P2RY8: variants seen among roughly 807,000 people sequenced by gnomAD.
P2RY8 encodes the protein P2Y receptor family member 8, also known as S-geranylgeranyl-glutathione receptor P2RY8.
P2RY8 carries 6 observed loss-of-function variants against 10.0 expected under a neutral mutation model. That is an observed-to-expected ratio of 0.60 (90% CI 0.33 to 1.19). The LOEUF is 1.19. Among genes scored for constraint, P2RY8 ranks in the 50% most tolerant of loss-of-function variants. The pLI, the probability that P2RY8 is intolerant of heterozygous loss-of-function variation, is 0.04. For missense variants in P2RY8, 456 were observed against 542.0 expected (o/e 0.84, Z 1.58); for synonymous variants, 276 against 252.5 (o/e 1.09, Z -0.88).
At chrX:1,507,637 C>A (rs1423756174) in intron 1 of P2RY8, among the ~76,000 whole-genome samples, 1 of 152,126 alleles carries the variant, frequency 6.6e-6, no homozygotes, top group Non-Finnish European at 1.5e-5. Context: ...CCGGCGGAGT[C>A]CCCACGTGCC....
At chrX:1,467,611 A>G (rs2091706786) in intron 1 of P2RY8, among the ~76,000 whole-genome samples, 1 of 152,240 alleles carries the variant, frequency 6.6e-6, no homozygotes, top group Admixed American at 6.5e-5. Flanking sequence ...TCAAAGGGAC[A>G]CTACTTTTAT....
intron 1 of P2RY8, among the ~76,000 whole-genome samples, chrX:1,524,485 C>A (rs113176919): frequency 0.018 from 2,180 of 120,090 alleles, 403 homozygotes; most frequent in Middle Eastern, 0.03. Context: ...ATCCACTCAT[C>A]CATCCATACA....
At chrX:1,470,946 C>T (rs1185877997) in intron 1 of P2RY8, among the ~76,000 whole-genome samples, 1 of 151,064 alleles carries the variant, frequency 6.6e-6, no homozygotes, top group East Asian at 1.9e-4. Context: ...AAGCAATTCT[C>T]CTGCCTCAGC....
chrX:1,532,454 TATATATA>T (rs2149417176), intron 1 of P2RY8, among the ~76,000 whole-genome samples: 1 of 5,084 alleles, frequency 2.0e-4, no homozygotes, highest in African/African-American at 2.8e-4. Flanking sequence ...TGTATATGTG[TATATATA>T]CACATATATG....
chrX:1,478,918 C>G (rs1382395453), intron 1 of P2RY8, among the ~76,000 whole-genome samples: 1 of 152,098 alleles, frequency 6.6e-6, no homozygotes, highest in African/African-American at 2.4e-5. Context: ...GTGGTCCCTC[C>G]CCACTGAACT....
At position 1,465,755 on chromosome X, in the gene P2RY8, G is replaced by A; in HGVS notation, c.804C>T (p.Gly268=). 1 of 1,613,680 alleles carries A rather than the reference G, an allele frequency of 6.2e-7. No individual in the cohort carries two copies. Among genetic ancestry groups the A allele is most frequent in the African/African-American group, 1.3e-5 (1 of 75,070 alleles). ...LAHIVSRLFY[G]KSYYHVYKLT... ...GCTTGTACACGTGGTAGTAGCTCTT[G>A]CCGTAGAACAGGCGGCTCACGATGT... Residue 268 remains glycine, a synonymous_variant, in exon 2 of 2, where the codon GGC becomes GGT. Transcript: ENST00000381297.
intron 1 of P2RY8, among the ~76,000 whole-genome samples, chrX:1,516,061 G>C (rs1329684632): frequency 2.0e-5 from 3 of 151,382 alleles, no homozygotes; most frequent in East Asian, 3.9e-4. Flanking sequence ...GCCAGGCGCG[G>C]TGGCAGGCAC....
At chrX:1,532,738 A>T (rs2092488645) in intron 1 of P2RY8, among the ~76,000 whole-genome samples, 1 of 152,026 alleles carries the variant, frequency 6.6e-6, no homozygotes, top group Non-Finnish European at 1.5e-5. Context: ...GCGGTGGCTC[A>T]CACCTGTCAT....
chrX:1,523,765 T>A (rs1196420349), intron 1 of P2RY8, among the ~76,000 whole-genome samples: 1 of 152,154 alleles, frequency 6.6e-6, no homozygotes, highest in Admixed American at 6.5e-5. Context: ...TCATCACAAC[T>A]TCCGCCTCCC....
At chrX:1,485,626 TATA>T (rs1337487029) in intron 1 of P2RY8, among the ~76,000 whole-genome samples, 3 of 148,114 alleles carry the variant, frequency 2.0e-5, no homozygotes, top group Non-Finnish European at 3.0e-5. Flanking sequence ...ATTATTATTA[TATA>T]ATATTACATA....
chrX:1,535,706 C>CACACACAG lies in P2RY8; in HGVS notation c.-25+1214_-25+1215insCTGTGTGT, dbSNP rs1472330943. 1.8e-3 allele frequency among the ~76,000 whole-genome samples: 261 copies of CACACACAG among 147,570 alleles called. 1 individual carries two copies. Among genetic ancestry groups the CACACACAG allele is most frequent in the African/African-American group, 6.2e-3 (248 of 39,836 alleles). On this transcript the variant is annotated intron_variant, in intron 1 of 1. Transcript: ENST00000381297. Reference sequence around the variant, plus strand: ...GGGAAGAAACAACCACACACACACACACACACACAGACACACACACAGACA... The same window carrying CACACACAG: ...GGGAAGAAACAACCACACACACACACACACACAGACACACACAGACACACACACAGACA...
chrX:1,475,418 A>C (rs1189309757), intron 1 of P2RY8, among the ~76,000 whole-genome samples: 3 of 152,140 alleles, frequency 2.0e-5, no homozygotes, highest in Admixed American at 2.0e-4. Flanking sequence ...TTTCCCTCAG[A>C]GCCCTAATGA....
intron 1 of P2RY8, among the ~76,000 whole-genome samples, chrX:1,469,776 C>T (rs190836967): frequency 2.1e-4 from 32 of 151,818 alleles, no homozygotes; most frequent in African/African-American, 6.3e-4. Context: ...GGCATGGTGG[C>T]GAGTCCCAGC....
chrX:1,498,457 A>T (rs1372692579), intron 1 of P2RY8, among the ~76,000 whole-genome samples: 3 of 151,204 alleles, frequency 2.0e-5, no homozygotes, highest in Non-Finnish European at 4.4e-5. Flanking sequence ...GGGCCAGCCC[A>T]TCTTGGTTAC....
At chrX:1,521,686 TGTGTTTA>T in intron 1 of P2RY8, among the ~76,000 whole-genome samples, 1 of 152,042 alleles carries the variant, frequency 6.6e-6, no homozygotes, top group Admixed American at 6.6e-5. Context: ...CAAAGGAAGG[TGTGTTTA>T]CTTAGAAGTG....
chrX:1,522,545 A>C (rs1428857375), intron 1 of P2RY8, among the ~76,000 whole-genome samples: 1 of 152,184 alleles, frequency 6.6e-6, no homozygotes, highest in African/African-American at 2.4e-5. Flanking sequence ...TAGTCCCAGC[A>C]CCTTGGGAGG....
chrX:1,476,377 C>A (rs2091873478), intron 1 of P2RY8, among the ~76,000 whole-genome samples: 1 of 151,610 alleles, frequency 6.6e-6, no homozygotes, highest in Non-Finnish European at 1.5e-5. Context: ...GAGATGGAGA[C>A]CATCCTGGCT....
At chrX:1,516,331 T>C (rs2092348786) in intron 1 of P2RY8, among the ~76,000 whole-genome samples, 1 of 151,938 alleles carries the variant, frequency 6.6e-6, no homozygotes, top group African/African-American at 2.4e-5. Flanking sequence ...AGAACAACCC[T>C]GTGGGGACAC....
At position 1,466,018 on chromosome X, in the gene P2RY8, A is replaced by G; in HGVS notation, c.541T>C (p.Trp181Arg). The change falls in exon 2 of 2, where the codon TGG becomes CGG. Residue 181 changes from tryptophan to arginine, a missense_variant. Transcript: ENST00000381297. Reference sequence around the variant, plus strand: ...ATGGCCACGCTGGGGAGCATCGTCCACTTGAGGACGTCGAAGCAGGTGATG... The same window carrying G: ...ATGGCCACGCTGGGGAGCATCGTCCGCTTGAGGACGTCGAAGCAGGTGATG... Reference protein sequence around the residue: ...GIITCFDVLKWTMLPSVAMWA... With the variant: ...GIITCFDVLKRTMLPSVAMWA... 6.2e-7 allele frequency: 1 copy of G among 1,612,046 alleles called. No homozygotes were observed. The highest frequency in any genetic ancestry group is 8.5e-7 in the Non-Finnish European group (1 of 1,179,764).
Sources: allele counts gnomAD v4.1 joint callset (sites outside exome capture counted in the v4.1 genomes callset), GRCh38; gene constraint gnomAD v4.1.1; transcripts MANE v1.5; gene names NCBI Gene and HGNC (gene_info 2026-07-23, HGNC 2026-07-21).